The following NRXN3 variants were observed in gnomAD, a reference collection of about 807,000 sequenced individuals.
NRXN3 encodes neurexin III.
Under a neutral mutation model 137.6 loss-of-function variants are expected in NRXN3, and 32 were observed. The ratio of observed to expected loss-of-function variants is 0.23; its 90% CI spans 0.18 to 0.31. The LOEUF (loss-of-function observed/expected upper bound fraction) is 0.31, where lower values mean the gene tolerates loss of function less well. Ranked by LOEUF, NRXN3 falls within the 10% of genes least tolerant of loss-of-function variation. The pLI, the probability that NRXN3 is intolerant of heterozygous loss-of-function variation, is 1.00. For synonymous variants in NRXN3, 798 were observed against 784.5 expected (o/e 1.02, Z -0.29); for missense variants, 1,574 against 2,062.5 (o/e 0.76, Z 4.59).
At chr14:79,438,141 G>A (rs369985371) in intron 15 of NRXN3, among the ~76,000 whole-genome samples, 50 of 152,284 alleles carry the variant, frequency 3.3e-4, no homozygotes, top group African/African-American at 1.1e-3. Flanking sequence ...TCCTGGGATC[G>A]GGCTGCTGCC....
intron 16 of NRXN3, among the ~76,000 whole-genome samples, chr14:79,471,946 T>C (rs1246116130): frequency 6.6e-6 from 1 of 152,152 alleles, no homozygotes; most frequent in Non-Finnish European, 1.5e-5. Context: ...GCCCAGGTAT[T>C]AAGCTTAATA....
At position 79,770,576 on chromosome 14, in the gene NRXN3, C is replaced by A. The variant is rs541455617; in HGVS notation, c.4015-34536C>A. Among the ~76,000 whole-genome samples the A allele has an allele frequency of 2.8e-4, 42 of 149,228 alleles. 1 individual carries two copies. In the South Asian group the frequency reaches 8.3e-3, roughly 29 times the overall value. Reference sequence around the variant, plus strand: ...AAATAAAGATGTTCTTTGAAACCAACGAGAACAAAGACACAACATACTAGA... The same window carrying A: ...AAATAAAGATGTTCTTTGAAACCAAAGAGAACAAAGACACAACATACTAGA... On this transcript the variant is annotated intron_variant, in intron 19 of 20. Transcript: ENST00000335750.
intron 10 of NRXN3, among the ~76,000 whole-genome samples, chr14:78,934,549 CG>C (rs2152883483): frequency 6.6e-6 from 1 of 152,260 alleles, no homozygotes; most frequent in Admixed American, 6.5e-5. Flanking sequence ...ACTCTCCTAC[CG>C]ATGCCTTTAC....
chr14:78,639,678 A>G (rs1295551630), intron 4 of NRXN3, among the ~76,000 whole-genome samples: 1 of 152,186 alleles, frequency 6.6e-6, no homozygotes, highest in Non-Finnish European at 1.5e-5. Context: ...AATATCAGAT[A>G]TAGGGTGCTA....
chr14:78,328,263 C>T (rs1343292904), intron 4 of NRXN3, among the ~76,000 whole-genome samples: 9 of 152,072 alleles, frequency 5.9e-5, no homozygotes, highest in South Asian at 2.1e-4. Context: ...TTTGACTGTT[C>T]GCTCAATAGA....
chr14:78,384,330 A>G (rs1444850828), intron 4 of NRXN3, among the ~76,000 whole-genome samples: 1 of 152,062 alleles, frequency 6.6e-6, no homozygotes, highest in Non-Finnish European at 1.5e-5. Flanking sequence ...ATGCTTCTAT[A>G]GCATACTCAT....
intron 15 of NRXN3, among the ~76,000 whole-genome samples, chr14:79,424,298 C>A (rs2153538719): frequency 6.6e-6 from 1 of 152,226 alleles, no homozygotes; most frequent in South Asian, 2.1e-4. Flanking sequence ...AATATTAATT[C>A]TACAAAGAGC....
chr14:79,537,593 C>T (rs1272684706), intron 16 of NRXN3, among the ~76,000 whole-genome samples: 2 of 152,144 alleles, frequency 1.3e-5, no homozygotes, highest in Non-Finnish European at 2.9e-5. Context: ...TTTCCAGCTT[C>T]ATCCATGTCC....
chr14:78,342,360 G>A (rs1263703583), intron 4 of NRXN3, among the ~76,000 whole-genome samples: 2 of 152,160 alleles, frequency 1.3e-5, no homozygotes, highest in African/African-American at 2.4e-5. Context: ...GCACAGGGTT[G>A]GGAAGTGCTT....
At chr14:79,242,227 T>C (rs1016606720) in intron 15 of NRXN3, among the ~76,000 whole-genome samples, 1 of 152,152 alleles carries the variant, frequency 6.6e-6, no homozygotes, top group Non-Finnish European at 1.5e-5. Flanking sequence ...ACTACAAAAC[T>C]TGGGCTCTTA....
At chr14:79,184,809 C>T (rs2063327300) in intron 15 of NRXN3, among the ~76,000 whole-genome samples, 1 of 152,120 alleles carries the variant, frequency 6.6e-6, no homozygotes. Flanking sequence ...TTGGCAATCC[C>T]TAATGGAAAT....
intron 15 of NRXN3, among the ~76,000 whole-genome samples, chr14:79,461,130 C>T (rs894222171): frequency 3.3e-5 from 5 of 152,118 alleles, no homozygotes; most frequent in African/African-American, 1.2e-4. Context: ...ATTCACCTTT[C>T]TCCCCTCCTT....
intron 4 of NRXN3, among the ~76,000 whole-genome samples, chr14:78,618,129 G>A (rs1172286677): frequency 6.6e-6 from 1 of 151,962 alleles, no homozygotes; most frequent in Non-Finnish European, 1.5e-5. Flanking sequence ...CATGTGTCTG[G>A]CTTAACTAGT....
intron 15 of NRXN3, among the ~76,000 whole-genome samples, chr14:79,174,518 T>TAC (rs1555815331): frequency 0.014 from 2,035 of 148,500 alleles, 32 homozygotes; most frequent in African/African-American, 0.047. Context: ...TATATATATA[T>TAC]ACACACACAT....
intron 10 of NRXN3, among the ~76,000 whole-genome samples, chr14:78,938,593 C>T (rs1304976572): frequency 1.3e-5 from 2 of 151,646 alleles, no homozygotes; most frequent in Non-Finnish European, 2.9e-5. Flanking sequence ...TTTTTTTTCC[C>T]TCTAGGTGGT....
At chr14:78,995,789 A>G (rs1351718246) in intron 15 of NRXN3, among the ~76,000 whole-genome samples, 1 of 152,254 alleles carries the variant, frequency 6.6e-6, no homozygotes, top group Non-Finnish European at 1.5e-5. Flanking sequence ...CAGTGTAAAC[A>G]AGATGACAAA....
chr14:79,366,320 C>G (rs955696734), intron 15 of NRXN3, among the ~76,000 whole-genome samples: 3 of 152,128 alleles, frequency 2.0e-5, no homozygotes, highest in Admixed American at 1.3e-4. Context: ...TAGGAACATT[C>G]CAATTCCACT....
chr14:78,373,202 G>A (rs2087186630), intron 4 of NRXN3, among the ~76,000 whole-genome samples: 1 of 152,216 alleles, frequency 6.6e-6, no homozygotes, highest in African/African-American at 2.4e-5. Flanking sequence ...CAGTGGATAT[G>A]TGTGTTTCTC....
At chr14:78,287,352 C>T (rs1382390899) in intron 3 of NRXN3, among the ~76,000 whole-genome samples, 1 of 152,150 alleles carries the variant, frequency 6.6e-6, no homozygotes, top group African/African-American at 2.4e-5. Flanking sequence ...TTCTGGCCCC[C>T]TTATCTGCTA....
Sources: allele counts gnomAD v4.1 joint callset (sites outside exome capture counted in the v4.1 genomes callset), GRCh38; gene constraint gnomAD v4.1.1; transcripts MANE v1.5; gene names NCBI Gene and HGNC (gene_info 2026-07-23, HGNC 2026-07-21).